Variants in NT5C1B observed in about 807,000 individuals in gnomAD.
NT5C1B encodes the protein 5'-nucleotidase, cytosolic IB.
In NT5C1B, 44 loss-of-function variants were observed where a neutral mutation model predicts 57.8. That is an observed-to-expected ratio of 0.76 (90% CI 0.60 to 0.98). NT5C1B has a LOEUF of 0.98. Among genes scored for constraint, NT5C1B ranks in the 50% least tolerant of loss-of-function variants. The pLI is 0.00. For synonymous variants in NT5C1B, 284 were observed against 282.6 expected, an observed-to-expected ratio of 1.00 and a Z score of -0.05; for missense variants, 742 against 719.5, an observed-to-expected ratio of 1.03 and a Z score of -0.36.
At chr2:18,586,311 G>T in exon 3 of NT5C1B, 3 of 1,614,104 alleles carry the variant, frequency 1.9e-6, no homozygotes, top group Non-Finnish European at 2.5e-6. Flanking sequence ...TGGTGGATGG[G>T]CTCCGGGATA....
At chr2:18,583,754 T>C (rs1666393146) in intron 5 of NT5C1B, 3 of 481,514 alleles carry the variant, frequency 6.2e-6, no homozygotes, top group Admixed American at 5.2e-5. Flanking sequence ...CACTGTAATA[T>C]GGCGTTTTAT....
chr2:18,564,265 A>G, intron 8 of NT5C1B, 146 bp from the exon 9 acceptor site: 1 of 920,674 alleles, frequency 1.1e-6, no homozygotes, highest in Non-Finnish European at 1.5e-6. Context: ...GCAAAATGCT[A>G]AAACTTGATA....
In NT5C1B at chr2:18,586,273, C is replaced by T. The variant is rs928525179; in HGVS notation, c.239G>A (p.Ser80Asn). Reference sequence around the variant, plus strand: ...CTCTACCTTAGCACTGGTGTTCCTGCTTCTAGGCTCATCTATGGATGGAGC... The same window carrying T: ...CTCTACCTTAGCACTGGTGTTCCTGTTTCTAGGCTCATCTATGGATGGAGC... The change falls in exon 3 of 9, where the codon AGC (serine) becomes AAC (asparagine). Residue 80 changes from serine (S) to asparagine (N), a missense_variant. Transcript: ENST00000304081. The T allele has an allele frequency of 1.9e-6, 3 of 1,614,040 alleles. No homozygotes were observed. In the East Asian group the frequency reaches 6.7e-5, roughly 36 times the overall value.
intron 8 of NT5C1B, among the ~76,000 whole-genome samples, chr2:18,569,308 G>C (rs1664938270): frequency 6.6e-6 from 1 of 151,528 alleles, no homozygotes; most frequent in African/African-American, 2.4e-5. Context: ...AGTAAATAGG[G>C]GAAAAAAGAA....
intron 8 of NT5C1B, among the ~76,000 whole-genome samples, chr2:18,566,198 GCT>G (rs1186873946): frequency 4.0e-5 from 6 of 151,834 alleles, no homozygotes; most frequent in African/African-American, 1.5e-4. Flanking sequence ...TTCAATGTCA[GCT>G]CTCTTTTTAT....
intron 6 of NT5C1B, among the ~76,000 whole-genome samples, chr2:18,580,475 C>T (rs554003744): frequency 6.6e-6 from 1 of 152,000 alleles, no homozygotes; most frequent in Non-Finnish European, 1.5e-5. Flanking sequence ...ATTAGTCGGG[C>T]GTGGTGGCAC....
At chr2:18,576,663 GA>G in intron 7 of NT5C1B, 109 bp downstream of exon 7, 4 of 1,521,762 alleles carry the variant, frequency 2.6e-6, no homozygotes, top group Non-Finnish European at 3.5e-6. Flanking sequence ...AAAAACTTCA[GA>G]AGAATATCCA....
intron 8 of NT5C1B, among the ~76,000 whole-genome samples, chr2:18,566,653 A>G (rs1335638159): frequency 6.6e-6 from 1 of 152,196 alleles, no homozygotes; most frequent in East Asian, 1.9e-4. Flanking sequence ...CCAAGTACCC[A>G]TCTCATTCTC....
chr2:18,583,442 A>G (rs1490095357), intron 5 of NT5C1B: 9 of 187,970 alleles, frequency 4.8e-5, no homozygotes, highest in Non-Finnish European at 1.0e-4. Flanking sequence ...TTTTGTTCCA[A>G]TTTTAGTATA....
intron 6 of NT5C1B, among the ~76,000 whole-genome samples, chr2:18,582,482 G>A (rs1666265522): frequency 6.6e-6 from 1 of 152,200 alleles, no homozygotes; most frequent in Non-Finnish European, 1.5e-5. Context: ...GAAAGGAGAG[G>A]TGAAAACCTT....
chr2:18,584,945 A>T lies in NT5C1B; in HGVS notation c.292T>A (p.Ser98Thr), dbSNP rs1666560298. 6.5e-7 allele frequency: 1 copy of T among 1,539,204 alleles called. No individual in the cohort carries two copies. Among genetic ancestry groups the T allele is most frequent in the Non-Finnish European group, 8.7e-7 (1 of 1,150,140 alleles). The change falls in exon 4 of 9, where the codon TCC (serine) becomes ACC (threonine). Residue 98 changes from serine (S) to threonine (T), a missense_variant. Coordinates refer to ENST00000304081, the Ensembl canonical transcript of NT5C1B. The surrounding 1 kb of genome is among the most constrained non-coding windows in gnomAD (Gnocchi z 5.8). Reference sequence around the variant, plus strand: ...GAGTCATGCAGGCTTGGGGAGGTGGATGGAGTCCGGGAGCTCGTGGAGCTG... The same window carrying T: ...GAGTCATGCAGGCTTGGGGAGGTGGTTGGAGTCCGGGAGCTCGTGGAGCTG...
At chr2:18,575,801 G>T (rs1332041655) in intron 8 of NT5C1B, among the ~76,000 whole-genome samples, 3 of 152,186 alleles carry the variant, frequency 2.0e-5, no homozygotes, top group Non-Finnish European at 4.4e-5. Context: ...CAAGGACAGA[G>T]ATTCAACAAA....
rs1664372439 is a variant in NT5C1B, at chr2:18,563,645, A to C, written c.*151T>G. On this transcript the variant is annotated 3_prime_UTR_variant, in exon 9 of 9. Transcript: ENST00000304081. ...TTTGATGGTAACTTGAGGGTTCAAA[A>C]GGTTTTCCAAAAAATCAGGAGAAAA... 9 of 808,520 alleles carry C rather than the reference A, an allele frequency of 1.1e-5. No homozygotes were observed. In the East Asian group the frequency reaches 2.2e-4, roughly 20 times the overall value. The allele number at this position is 808,520 out of a possible 1,614,324, so 50.1% of individuals were successfully genotyped here. A position where few individuals can be genotyped will look rare whatever the true frequency, so the allele number is the denominator to read the frequency against.
exon 9 of NT5C1B, chr2:18,563,688 AG>A: frequency 8.0e-7 from 1 of 1,255,256 alleles, no homozygotes; most frequent in East Asian, 2.6e-5. Context: ...AAAGAAGCAA[AG>A]TTTTAAGGTC....
At chr2:18,566,004 A>G (rs1303069787) in intron 8 of NT5C1B, among the ~76,000 whole-genome samples, 2 of 152,172 alleles carry the variant, frequency 1.3e-5, no homozygotes, top group Non-Finnish European at 2.9e-5. Flanking sequence ...TTCACATTTT[A>G]TCATGTCTTC....
Position 18,571,283 on chromosome 2 carries a change from A to G in NT5C1B, c.1329+4901T>C, listed in dbSNP as rs192374943. Among the ~76,000 whole-genome samples the G allele has an allele frequency of 1.4e-4, 21 of 152,254 alleles. No homozygotes were observed. The South Asian group carries it at 1.7e-3, about 12-fold the overall frequency. On this transcript the variant is annotated intron_variant, in intron 8 of 8. Coordinates refer to ENST00000304081, the Ensembl canonical transcript of NT5C1B. ...ATTATTGTTGACTTAGAAAATCTCAATCTACAAAATTGTTGCGAGAACTAA... is the reference window on the plus strand; with the variant it reads ...ATTATTGTTGACTTAGAAAATCTCAGTCTACAAAATTGTTGCGAGAACTAA...
At chr2:18,569,472 C>T (rs926423525) in intron 8 of NT5C1B, among the ~76,000 whole-genome samples, 3 of 151,846 alleles carry the variant, frequency 2.0e-5, no homozygotes, top group African/African-American at 7.3e-5. Flanking sequence ...AATAGCAGCA[C>T]CAACTGTAAT....
At chr2:18,587,700 A>G (rs1558392279) in intron 1 of NT5C1B, 108 bp from the exon 2 acceptor site, 4 of 1,315,938 alleles carry the variant, frequency 3.0e-6, no homozygotes, top group South Asian at 1.5e-5. Context: ...TTTATTTGCC[A>G]ATATAAAAAG....
In NT5C1B at chr2:18,584,901, G is replaced by A. The variant is rs751707850; in HGVS notation, c.336C>T (p.Ser112=). ...CGGGTGGCTGGAGCGAGGGCTGCCC[G>A]GACAGCGGCGGCGGTGAGGAGTCAT... The change falls in exon 4 of 9, where the codon TCC becomes TCT. Residue 112 remains serine, a synonymous_variant. Coordinates refer to ENST00000304081, the Ensembl canonical transcript of NT5C1B. This position sits in a 1 kb window ranked among gnomAD's most constrained non-coding sequence, Gnocchi z 5.8. 10 of 1,561,450 alleles carry A rather than the reference G, an allele frequency of 6.4e-6. No homozygotes were observed. The highest frequency in any genetic ancestry group is 8.6e-6 in the Non-Finnish European group (10 of 1,159,582).
Sources: allele counts gnomAD v4.1 joint callset (sites outside exome capture counted in the v4.1 genomes callset), GRCh38; gene constraint gnomAD v4.1.1; non-coding constraint Gnocchi (gnomAD v3.1); transcripts MANE v1.5; gene names NCBI Gene and HGNC (gene_info 2026-07-23, HGNC 2026-07-21).